ADAMTSL1: variants seen among roughly 807,000 people sequenced by gnomAD.
ADAMTSL1 encodes ADAMTS-like protein 1.
Under a neutral mutation model 201.8 loss-of-function variants are expected in ADAMTSL1, and 126 were observed. That is an observed-to-expected ratio of 0.62 (90% CI 0.54 to 0.72). The LOEUF (loss-of-function observed/expected upper bound fraction) is 0.72, where lower values mean the gene tolerates loss of function less well. Ranked by LOEUF, ADAMTSL1 falls within the 30% of genes least tolerant of loss-of-function variation. The pLI, the probability that ADAMTSL1 is intolerant of heterozygous loss-of-function variation, is 0.00. For missense variants in ADAMTSL1, 2,679 were observed against 2,277.8 expected (o/e 1.18, Z -3.59); for synonymous variants, 1,121 against 903.4 (o/e 1.24, Z -4.32).
intron 8 of ADAMTSL1, among the ~76,000 whole-genome samples, chr9:18,658,143 T>G (rs1828834507): frequency 6.6e-6 from 1 of 152,064 alleles, no homozygotes; most frequent in Non-Finnish European, 1.5e-5. Flanking sequence ...CCCGGCTAAT[T>G]TTTTGTATTT....
At chr9:18,405,346 C>T (rs1818146404) in intron 2 of ADAMTSL1, among the ~76,000 whole-genome samples, 1 of 152,136 alleles carries the variant, frequency 6.6e-6, no homozygotes, top group African/African-American at 2.4e-5. Context: ...TAAGTTGTCT[C>T]CAGACCATGA....
chr9:17,999,258 T>C (rs1056080937), intron 1 of ADAMTSL1, among the ~76,000 whole-genome samples: 2 of 151,998 alleles, frequency 1.3e-5, no homozygotes, highest in Admixed American at 6.6e-5. Flanking sequence ...ATACGGATTA[T>C]AGCTAAATCC....
chr9:18,889,997 A>G (rs1250063133), intron 25 of ADAMTSL1, among the ~76,000 whole-genome samples: 1 of 152,090 alleles, frequency 6.6e-6, no homozygotes, highest in East Asian at 1.9e-4. Context: ...CCAAGTCCCT[A>G]ACGGGGTCTG....
chr9:18,324,238 G>C (rs1478956687), intron 2 of ADAMTSL1, among the ~76,000 whole-genome samples: 1 of 152,022 alleles, frequency 6.6e-6, no homozygotes, highest in Non-Finnish European at 1.5e-5. Context: ...ATGTATCCTA[G>C]AAAAAAGTGG....
At position 18,391,311 on chromosome 9, in the gene ADAMTSL1, T is replaced by A. The variant is rs369914654; in HGVS notation, c.208-113518T>A. Among the ~76,000 whole-genome samples, 18 of 152,080 alleles carry A rather than the reference T, an allele frequency of 1.2e-4. No individual in the cohort carries two copies. In the East Asian group the frequency reaches 1.9e-3, roughly 16 times the overall value. On this transcript the variant is annotated intron_variant, in intron 2 of 29. Transcript: ENST00000680146. ...ATAATTGCATCAAAATTACTAGAGATTTTTTAGTGGGAATTACATCCGTGT... is the reference window on the plus strand; with the variant it reads ...ATAATTGCATCAAAATTACTAGAGAATTTTTAGTGGGAATTACATCCGTGT...
intron 2 of ADAMTSL1, among the ~76,000 whole-genome samples, chr9:18,383,367 A>C (rs1167091044): frequency 1.3e-5 from 2 of 152,136 alleles, no homozygotes; most frequent in South Asian, 4.2e-4. Context: ...GTATATGTTT[A>C]AGGCATTTGA....
intron 14 of ADAMTSL1, among the ~76,000 whole-genome samples, chr9:18,714,921 C>G: frequency 6.9e-6 from 1 of 145,652 alleles, no homozygotes; most frequent in East Asian, 2.0e-4. Context: ...GGCTTCATCC[C>G]TGGGATGCAA....
At chr9:18,243,755 G>C (rs1831154428) in intron 2 of ADAMTSL1, among the ~76,000 whole-genome samples, 1 of 150,444 alleles carries the variant, frequency 6.6e-6, no homozygotes, top group Non-Finnish European at 1.5e-5. Flanking sequence ...CACAGACCCA[G>C]GCATGCATAC....
intron 2 of ADAMTSL1, among the ~76,000 whole-genome samples, chr9:18,221,831 T>G (rs749774026): frequency 2.4e-4 from 36 of 152,118 alleles, no homozygotes; most frequent in Non-Finnish European, 3.4e-4. Flanking sequence ...GGCATTTTCA[T>G]ATCTATATTC....
At chr9:18,396,167 C>G (rs924137763) in intron 2 of ADAMTSL1, among the ~76,000 whole-genome samples, 1 of 152,152 alleles carries the variant, frequency 6.6e-6, no homozygotes, top group Non-Finnish European at 1.5e-5. Context: ...AACTGTTGGC[C>G]TGCCTCTTAG....
chr9:18,760,529 A>G (rs896583601), intron 16 of ADAMTSL1, among the ~76,000 whole-genome samples: 2 of 152,162 alleles, frequency 1.3e-5, no homozygotes, highest in Non-Finnish European at 2.9e-5. Context: ...TCCATGGCAC[A>G]CCTATTAATA....
intron 2 of ADAMTSL1, among the ~76,000 whole-genome samples, chr9:18,531,615 T>A (rs1323706836): frequency 6.6e-6 from 1 of 152,212 alleles, no homozygotes; most frequent in Non-Finnish European, 1.5e-5. Context: ...AATTGTGTTG[T>A]CAGATGACAT....
At chr9:18,524,832 A>G (rs1355113031) in intron 2 of ADAMTSL1, among the ~76,000 whole-genome samples, 3 of 152,144 alleles carry the variant, frequency 2.0e-5, no homozygotes, top group Non-Finnish European at 4.4e-5. Flanking sequence ...GTGCTGCTGG[A>G]TTCGGTTTGC....
chr9:18,533,224 T>C, intron 2 of ADAMTSL1, 23 bp from the exon 3 acceptor site: 1 of 1,596,532 alleles, frequency 6.3e-7, no homozygotes, highest in South Asian at 1.1e-5. Context: ...TAGTAATATT[T>C]CTTTTTTCTT....
At chr9:18,528,178 C>T (rs1051102534) in intron 2 of ADAMTSL1, among the ~76,000 whole-genome samples, 9 of 152,038 alleles carry the variant, frequency 5.9e-5, no homozygotes, top group Admixed American at 4.6e-4. Context: ...ACACCTGGCC[C>T]ATTTTTTTAT....
chr9:18,461,282 C>T lies in ADAMTSL1; in HGVS notation c.208-43547C>T, dbSNP rs191717306. Among the ~76,000 whole-genome samples the T allele has an allele frequency of 1.3e-3, 203 of 152,144 alleles. 2 individuals are homozygous for T. The highest frequency in any genetic ancestry group is 4.5e-3 in the African/African-American group (188 of 41,526). ...ATTGTTGATAGGAATATTTCATGTG[C>T]ATCATCTTTTTCTCTTTAATTTTGT... is the stretch of plus-strand genomic sequence containing the variant. On this transcript the variant is annotated intron_variant, in intron 2 of 29. Transcript: ENST00000680146.
At chr9:18,832,978 T>A (rs954059505) in intron 23 of ADAMTSL1, among the ~76,000 whole-genome samples, 3 of 152,224 alleles carry the variant, frequency 2.0e-5, no homozygotes, top group Admixed American at 2.0e-4. Flanking sequence ...TTCTTCTTCA[T>A]TAAGTCTGGA....
chr9:18,390,807 C>A (rs1029223592), intron 2 of ADAMTSL1, among the ~76,000 whole-genome samples: 7 of 150,646 alleles, frequency 4.6e-5, no homozygotes, highest in Middle Eastern at 3.4e-3. Flanking sequence ...CAAAACAAAA[C>A]AAAAAAAAAC....
intron 4 of ADAMTSL1, among the ~76,000 whole-genome samples, chr9:18,621,780 G>A (rs903559581): frequency 6.6e-6 from 1 of 152,086 alleles, no homozygotes; most frequent in Admixed American, 6.6e-5. Flanking sequence ...CCACCCTTAC[G>A]CAGCATACGT....
Sources: gnomAD v4.1 joint callset for allele counts (sites outside exome capture counted in the v4.1 genomes callset) on GRCh38, gnomAD v4.1.1 for gene constraint, MANE v1.5 for transcripts, NCBI Gene and HGNC (gene_info 2026-07-23, HGNC 2026-07-21) for gene names.